CNTNAP2: variants seen among roughly 807,000 people sequenced by gnomAD.
CNTNAP2 encodes contactin-associated protein-like 2.
A neutral mutation model predicts 155.2 loss-of-function variants in CNTNAP2; 98 were observed. That is an observed-to-expected ratio of 0.63 (90% CI 0.54 to 0.75). The LOEUF (loss-of-function observed/expected upper bound fraction) is 0.75, where lower values mean the gene tolerates loss of function less well. Among genes scored for constraint, CNTNAP2 ranks in the 30% least tolerant of loss-of-function variants. The probability of loss-of-function intolerance (pLI) is 0.00; values close to 1 mark genes in which losing one functional copy is unlikely to be tolerated. For synonymous variants in CNTNAP2, 651 were observed against 631.2 expected (o/e 1.03, Z -0.47); for missense variants, 1,727 against 1,688.1 (o/e 1.02, Z -0.40).
intron 9 of CNTNAP2, among the ~76,000 whole-genome samples, chr7:147,341,055 T>G (rs563306708): frequency 1.4e-5 from 2 of 143,454 alleles, no homozygotes; most frequent in African/African-American, 5.4e-5. Context: ...GCCTGCCTCT[T>G]CCAGCATTGT....
chr7:147,114,625 A>G (rs1413578246), intron 5 of CNTNAP2, among the ~76,000 whole-genome samples: 8 of 152,252 alleles, frequency 5.3e-5, no homozygotes, highest in African/African-American at 7.2e-5. Context: ...AGAAACTACA[A>G]TTGCAACCCC....
chr7:148,229,305 C>T (rs948291605), intron 19 of CNTNAP2, among the ~76,000 whole-genome samples: 4 of 152,200 alleles, frequency 2.6e-5, no homozygotes, highest in South Asian at 2.1e-4. Flanking sequence ...GAACGGATAG[C>T]CTGAGGTCAG....
intron 9 of CNTNAP2, among the ~76,000 whole-genome samples, chr7:147,390,287 A>G (rs1449432404): frequency 1.3e-5 from 2 of 152,048 alleles, no homozygotes. Flanking sequence ...TGAGATTATA[A>G]TAGCAGGATG....
intron 2 of CNTNAP2, among the ~76,000 whole-genome samples, chr7:146,801,782 T>A (rs919456884): frequency 6.6e-6 from 1 of 152,192 alleles, no homozygotes; most frequent in African/African-American, 2.4e-5. Flanking sequence ...AGAAAGCTCT[T>A]TTATTATACC....
chr7:147,444,699 G>T (rs886191146), intron 10 of CNTNAP2, among the ~76,000 whole-genome samples: 1 of 151,938 alleles, frequency 6.6e-6, no homozygotes, highest in African/African-American at 2.4e-5. Flanking sequence ...TGAGATGAGA[G>T]GAATTATTGG....
At chr7:147,071,104 T>TCA (rs1266710982) in intron 4 of CNTNAP2, among the ~76,000 whole-genome samples, 50 of 152,212 alleles carry the variant, frequency 3.3e-4, no homozygotes, top group African/African-American at 9.6e-4. Flanking sequence ...CACATTCCTT[T>TCA]TATTTTGCTG....
At chr7:147,708,041 G>A (rs934378851) in intron 13 of CNTNAP2, among the ~76,000 whole-genome samples, 1 of 152,122 alleles carries the variant, frequency 6.6e-6, no homozygotes, top group Admixed American at 6.5e-5. Flanking sequence ...CCAGTGGTAT[G>A]AGCAGGTGCC....
intron 1 of CNTNAP2, among the ~76,000 whole-genome samples, chr7:146,122,281 G>A (rs1054347530): frequency 4.6e-5 from 7 of 152,192 alleles, no homozygotes; most frequent in Admixed American, 2.0e-4. Context: ...GTGATAGCGC[G>A]AAGAGCCTTA....
chr7:146,884,402 G>T (rs912150134), intron 3 of CNTNAP2, among the ~76,000 whole-genome samples: 1 of 152,138 alleles, frequency 6.6e-6, no homozygotes, highest in Non-Finnish European at 1.5e-5. Flanking sequence ...CAATGGAATA[G>T]TGGAAAGAGT....
At chr7:147,389,243 C>T (rs1234940131) in intron 9 of CNTNAP2, among the ~76,000 whole-genome samples, 2 of 152,092 alleles carry the variant, frequency 1.3e-5, no homozygotes, top group African/African-American at 4.8e-5. Flanking sequence ...GTGCAATCTG[C>T]CAAGATCAAA....
At chr7:147,276,075 G>T (rs1199810612) in intron 8 of CNTNAP2, among the ~76,000 whole-genome samples, 1 of 151,876 alleles carries the variant, frequency 6.6e-6, no homozygotes, top group Non-Finnish European at 1.5e-5. Flanking sequence ...TTTTGTTGAG[G>T]ATTTTTGCAT....
chr7:147,807,125 A>G (rs900566165), intron 13 of CNTNAP2, among the ~76,000 whole-genome samples: 1 of 152,018 alleles, frequency 6.6e-6, no homozygotes. Flanking sequence ...CATAGTGGGC[A>G]CCATAATGAG....
At position 147,932,539 on chromosome 7, in the gene CNTNAP2, C is replaced by T. The variant is rs1405551895; in HGVS notation, c.2255+28818C>T. Among the ~76,000 whole-genome samples, 25 of 152,266 alleles carry T rather than the reference C, an allele frequency of 1.6e-4. 1 individual carries two copies. Among genetic ancestry groups the T allele is most frequent in the Non-Finnish European group, 2.9e-5 (2 of 68,012 alleles). The stretch of plus-strand genomic sequence containing the variant: ...AGAACAAAATTAAACCCTTACTGTA[C>T]ACCATACATAAAAATCAACTCAAAA... On this transcript the variant is annotated intron_variant, in intron 14 of 23. Coordinates refer to ENST00000361727, the MANE Select transcript of CNTNAP2 (RefSeq NM_014141.6).
At chr7:147,680,512 G>A (rs959552599) in intron 13 of CNTNAP2, among the ~76,000 whole-genome samples, 1 of 151,872 alleles carries the variant, frequency 6.6e-6, no homozygotes, top group Non-Finnish European at 1.5e-5. Context: ...TGGGGCCCCG[G>A]CTGTTTCTGA....
intron 1 of CNTNAP2, among the ~76,000 whole-genome samples, chr7:146,129,054 T>C (rs1012966455): frequency 1.3e-5 from 2 of 152,204 alleles, no homozygotes; most frequent in Admixed American, 1.3e-4. Flanking sequence ...ATTTATTATC[T>C]ACTCTTTGCC....
chr7:146,739,024 C>T (rs1334880663), intron 1 of CNTNAP2, among the ~76,000 whole-genome samples: 5 of 151,844 alleles, frequency 3.3e-5, no homozygotes, highest in Non-Finnish European at 5.9e-5. Flanking sequence ...CTTTCTCTTT[C>T]TGCCTTTCTT....
chr7:146,594,802 A>G (rs1798834943), intron 1 of CNTNAP2, among the ~76,000 whole-genome samples: 1 of 152,140 alleles, frequency 6.6e-6, no homozygotes, highest in Non-Finnish European at 1.5e-5. Flanking sequence ...ACTGATAAAT[A>G]TTTAATGACT....
At chr7:147,640,671 A>G (rs1419478804) in intron 13 of CNTNAP2, among the ~76,000 whole-genome samples, 1 of 152,166 alleles carries the variant, frequency 6.6e-6, no homozygotes, top group Non-Finnish European at 1.5e-5. Context: ...CTCACGCAGA[A>G]CTGGATAAAA....
At chr7:147,531,564 C>T (rs947023522) in intron 11 of CNTNAP2, among the ~76,000 whole-genome samples, 1 of 152,210 alleles carries the variant, frequency 6.6e-6, no homozygotes, top group Non-Finnish European at 1.5e-5. Flanking sequence ...GCTGGAGAGG[C>T]TGGTACACAG....
Sources: allele counts gnomAD v4.1 joint callset (sites outside exome capture counted in the v4.1 genomes callset), GRCh38; gene constraint gnomAD v4.1.1; transcripts MANE v1.5; gene names NCBI Gene and HGNC (gene_info 2026-07-23, HGNC 2026-07-21).